Variants in CDH8 observed in about 807,000 individuals in gnomAD.
The protein encoded by CDH8 is cadherin 8.
In CDH8, 17 loss-of-function variants were observed where a neutral mutation model predicts 68.1. That is an observed-to-expected ratio of 0.25 (90% confidence interval 0.17 to 0.37). CDH8 has a LOEUF of 0.37. Ranked by LOEUF, CDH8 falls within the 10% of genes least tolerant of loss-of-function variation. The pLI, the probability that CDH8 is intolerant of heterozygous loss-of-function variation, is 1.00. For synonymous variants in CDH8, 372 were observed against 365.1 expected (o/e 1.02, Z -0.21); for missense variants, 763 against 999.3 (o/e 0.76, Z 3.19).
At position 61,647,997 on chromosome 16, in the gene CDH8, G is replaced by T. The variant is rs371814834; in HGVS notation, c.*5611C>A. 1 of 611,960 alleles carries T rather than the reference G, an allele frequency of 1.6e-6. No individual in the cohort carries two copies. The allele number at this position is 611,960 out of a possible 1,614,324, so 37.9% of individuals were successfully genotyped here. A position where few individuals can be genotyped will look rare whatever the true frequency, so the allele number is the denominator to read the frequency against. ...ATGGTGGCAGGTAACTCAAGTTGGG[G>T]AAATAGTACCCAAAGGCACTATTTT... On this transcript the variant is annotated 3_prime_UTR_variant, in exon 12 of 12. Transcript: ENST00000577390.
At chr16:61,862,210 A>G (rs1294776087) in intron 3 of CDH8, among the ~76,000 whole-genome samples, 1 of 151,470 alleles carries the variant, frequency 6.6e-6, no homozygotes, top group Non-Finnish European at 1.5e-5. Context: ...CTACTAATCT[A>G]TCTCACATCA....
chr16:61,835,618 C>A (rs1044958385), intron 4 of CDH8, among the ~76,000 whole-genome samples: 3 of 151,892 alleles, frequency 2.0e-5, no homozygotes, highest in Non-Finnish European at 4.4e-5. Flanking sequence ...TATTCCTATT[C>A]AGAATTAAGG....
intron 10 of CDH8, among the ~76,000 whole-genome samples, chr16:61,706,637 A>G (rs1964540658): frequency 6.6e-6 from 1 of 151,236 alleles, no homozygotes. Context: ...AAAAAAAAAA[A>G]AAAAAAAGTG....
chr16:61,790,807 C>G (rs1315818671), intron 7 of CDH8, among the ~76,000 whole-genome samples: 1 of 151,808 alleles, frequency 6.6e-6, no homozygotes, highest in Non-Finnish European at 1.5e-5. Flanking sequence ...TGTACCTATA[C>G]CTACCTATGA....
At chr16:61,936,780 T>C (rs535824961) in intron 2 of CDH8, among the ~76,000 whole-genome samples, 5 of 152,340 alleles carry the variant, frequency 3.3e-5, no homozygotes, top group African/African-American at 7.2e-5. Flanking sequence ...TGCCCTGTTA[T>C]GTTTCTCTAA....
intron 10 of CDH8, among the ~76,000 whole-genome samples, chr16:61,691,092 A>G (rs1479297607): frequency 1.3e-5 from 2 of 152,086 alleles, no homozygotes; most frequent in Admixed American, 6.6e-5. Context: ...CCTTACCTAG[A>G]TAAATCATGC....
intron 8 of CDH8, among the ~76,000 whole-genome samples, chr16:61,771,311 T>A (rs943165921): frequency 6.6e-6 from 1 of 151,714 alleles, no homozygotes; most frequent in Non-Finnish European, 1.5e-5. Context: ...AACTGCTACA[T>A]AATTATATTG....
At chr16:61,765,918 C>T (rs1960578265) in intron 8 of CDH8, among the ~76,000 whole-genome samples, 1 of 152,020 alleles carries the variant, frequency 6.6e-6, no homozygotes, top group African/African-American at 2.4e-5. Context: ...TTTAATTCCA[C>T]CAGGTGCTAG....
At chr16:61,922,396 C>T (rs1964384305) in intron 2 of CDH8, among the ~76,000 whole-genome samples, 1 of 151,970 alleles carries the variant, frequency 6.6e-6, no homozygotes, top group African/African-American at 2.4e-5. Flanking sequence ...GCATACAGAG[C>T]AAAATAAAAC....
chr16:61,762,059 G>A (rs183408393), intron 8 of CDH8, among the ~76,000 whole-genome samples: 2 of 152,194 alleles, frequency 1.3e-5, no homozygotes, highest in South Asian at 2.1e-4. Context: ...ATTAGTGGTT[G>A]CCATGAACTA....
rs1963259820 is a variant in CDH8 at position 61,648,798 on chromosome 16, G to A, written c.*4810C>T. On this transcript the variant is annotated 3_prime_UTR_variant, in exon 12 of 12. Transcript: ENST00000577390. ...TCTTTTTCCTCAGATAGTCCATCAA[G>A]TCAGGAAATTTTTAAATTTTATGTC... 6.6e-6 allele frequency: 1 copy of A among 151,898 alleles called. No individual in the cohort carries two copies. Among genetic ancestry groups the A allele is most frequent in the Non-Finnish European group, 1.5e-5 (1 of 67,916 alleles). The allele number at this position is 151,898 out of a possible 1,614,324, so 9.4% of individuals were successfully genotyped here.
chr16:61,660,884 A>G (rs1276980612), intron 10 of CDH8, among the ~76,000 whole-genome samples: 11 of 152,072 alleles, frequency 7.2e-5, no homozygotes. Context: ...AAATGAGAGA[A>G]TTTGTCACCA....
intron 9 of CDH8, among the ~76,000 whole-genome samples, chr16:61,720,645 A>T (rs1227864901): frequency 1.3e-5 from 2 of 150,676 alleles, no homozygotes; most frequent in Admixed American, 6.6e-5. Context: ...ATTCCAGCTA[A>T]TTTTTTTTAA....
At chr16:61,688,131 G>C (rs756258902) in intron 10 of CDH8, among the ~76,000 whole-genome samples, 8 of 151,942 alleles carry the variant, frequency 5.3e-5, no homozygotes, top group Non-Finnish European at 1.2e-4. Context: ...TACTTTTAGA[G>C]GGAGAAGGAA....
At chr16:61,678,548 T>C (rs1963957148) in intron 10 of CDH8, among the ~76,000 whole-genome samples, 1 of 151,976 alleles carries the variant, frequency 6.6e-6, no homozygotes, top group Admixed American at 6.6e-5. Flanking sequence ...TTTTTTATAC[T>C]TTAAGTTCTG....
rs1292343182 is a variant in CDH8 at position 61,960,344 on chromosome 16, TAC to T, written c.253-58873_253-58872del. The stretch of plus-strand genomic sequence containing the variant: ...ACGTGTGTGTGTATACACACATATA[TAC>T]ATGTGTGTGTGTATACACATACATA... On this transcript the variant is annotated intron_variant, in intron 2 of 11. Coordinates refer to ENST00000577390, the MANE Select transcript of CDH8 (RefSeq NM_001796.5). 5.9e-5 allele frequency among the ~76,000 whole-genome samples: 5 copies of T among 84,228 alleles called. 1 individual carries two copies. Among genetic ancestry groups the T allele is most frequent in the Non-Finnish European group, 8.8e-5 (4 of 45,244 alleles). 55.3% of individuals were successfully genotyped at this position (84,228 alleles called of 152,430 possible). A position where few individuals can be genotyped will look rare whatever the true frequency, so the allele number is the denominator to read the frequency against.
At chr16:61,864,413 G>C (rs1469316994) in intron 3 of CDH8, among the ~76,000 whole-genome samples, 1 of 152,040 alleles carries the variant, frequency 6.6e-6, no homozygotes, top group Non-Finnish European at 1.5e-5. Flanking sequence ...GCACCGACCT[G>C]ATGTGCTGAA....
At chr16:61,687,270 C>A (rs1475415844) in intron 10 of CDH8, among the ~76,000 whole-genome samples, 5 of 151,876 alleles carry the variant, frequency 3.3e-5, no homozygotes. Context: ...AAATCGGTCA[C>A]AAAGTTCATA....
chr16:61,964,963 C>T (rs1205614941), intron 2 of CDH8, among the ~76,000 whole-genome samples: 2 of 152,304 alleles, frequency 1.3e-5, no homozygotes, highest in East Asian at 3.9e-4. Context: ...GCCTCTACCA[C>T]AGAAGCCTTT....
Sources: gnomAD v4.1 joint callset for allele counts (sites outside exome capture counted in the v4.1 genomes callset) on GRCh38, gnomAD v4.1.1 for gene constraint, MANE v1.5 for transcripts, NCBI Gene and HGNC (gene_info 2026-07-23, HGNC 2026-07-21) for gene names.